KCNQ5: variants seen among roughly 807,000 people sequenced by gnomAD.
The protein encoded by KCNQ5 is potassium voltage-gated channel subfamily Q member 5.
KCNQ5 carries 30 observed loss-of-function variants against 98.2 expected under a neutral mutation model. That is an observed-to-expected ratio of 0.31 (90% confidence interval 0.23 to 0.41). The LOEUF is 0.41. Among genes scored for constraint, KCNQ5 ranks in the 10% least tolerant of loss-of-function variants. The probability of loss-of-function intolerance (pLI) is 1.00; values close to 1 mark genes in which losing one functional copy is unlikely to be tolerated. For missense variants in KCNQ5, 835 were observed against 1,182.5 expected (o/e 0.71, Z 4.31); for synonymous variants, 458 against 449.4 (o/e 1.02, Z -0.24).
chr6:72,927,463 G>A (rs1461814266), intron 1 of KCNQ5, among the ~76,000 whole-genome samples: 1 of 152,002 alleles, frequency 6.6e-6, no homozygotes, highest in Non-Finnish European at 1.5e-5. Context: ...AGAGATCCTA[G>A]AGATTTCTAC....
At chr6:72,633,095 T>C (rs2098921966) in intron 1 of KCNQ5, among the ~76,000 whole-genome samples, 1 of 152,196 alleles carries the variant, frequency 6.6e-6, no homozygotes, top group African/African-American at 2.4e-5. Flanking sequence ...CAGCATCTGT[T>C]GTTTTTTGGC....
chr6:73,119,250 T>C (rs1427141780), intron 7 of KCNQ5, among the ~76,000 whole-genome samples: 1 of 152,168 alleles, frequency 6.6e-6, no homozygotes, highest in Non-Finnish European at 1.5e-5. Flanking sequence ...ATAACAGTCT[T>C]CAAGCAGTCA....
chr6:72,959,920 A>T (rs1176256688), intron 1 of KCNQ5, among the ~76,000 whole-genome samples: 1 of 152,222 alleles, frequency 6.6e-6, no homozygotes, highest in African/African-American at 2.4e-5. Flanking sequence ...AGCTCTTTTC[A>T]TCTAAGACTT....
At chr6:72,885,473 A>G (rs1778812665) in intron 1 of KCNQ5, among the ~76,000 whole-genome samples, 1 of 152,220 alleles carries the variant, frequency 6.6e-6, no homozygotes, top group South Asian at 2.1e-4. Context: ...AAGAATTTTA[A>G]ATTTTTAAAA....
At chr6:72,843,489 A>G (rs890047420) in intron 1 of KCNQ5, among the ~76,000 whole-genome samples, 1 of 152,100 alleles carries the variant, frequency 6.6e-6, no homozygotes, top group Non-Finnish European at 1.5e-5. Context: ...TCCATATGAA[A>G]TTTAGTGTAG....
intron 7 of KCNQ5, among the ~76,000 whole-genome samples, chr6:73,116,405 C>T (rs1013856609): frequency 6.6e-6 from 1 of 152,138 alleles, no homozygotes; most frequent in Non-Finnish European, 1.5e-5. Flanking sequence ...GTGGCTCATG[C>T]CTGCAACCCC....
At chr6:72,657,759 C>T (rs1766270907) in intron 1 of KCNQ5, among the ~76,000 whole-genome samples, 1 of 152,190 alleles carries the variant, frequency 6.6e-6, no homozygotes, top group South Asian at 2.1e-4. Flanking sequence ...ATTTGTCGAA[C>T]TTGTATAATT....
At chr6:72,950,867 C>G (rs1252847258) in intron 1 of KCNQ5, among the ~76,000 whole-genome samples, 3 of 152,164 alleles carry the variant, frequency 2.0e-5, no homozygotes, top group African/African-American at 7.2e-5. Context: ...GATTAATCAT[C>G]CAAATGTAAC....
intron 10 of KCNQ5, among the ~76,000 whole-genome samples, chr6:73,148,949 T>G (rs934034200): frequency 3.3e-5 from 5 of 152,182 alleles, no homozygotes; most frequent in African/African-American, 9.7e-5. Flanking sequence ...TAGTTTTTTG[T>G]TTTTTGTGTC....
At chr6:73,045,402 C>A (rs1754013850) in intron 3 of KCNQ5, among the ~76,000 whole-genome samples, 1 of 152,072 alleles carries the variant, frequency 6.6e-6, no homozygotes, top group African/African-American at 2.4e-5. Context: ...ACATAAAATT[C>A]TTCCTCATAT....
At chr6:73,171,455 T>C (rs1468925218) in intron 11 of KCNQ5, among the ~76,000 whole-genome samples, 1 of 152,176 alleles carries the variant, frequency 6.6e-6, no homozygotes, top group East Asian at 1.9e-4. Flanking sequence ...CCAGAATATG[T>C]AGTGAAATGA....
chr6:72,690,798 G>GT lies in KCNQ5; in HGVS notation c.398+68219dup, dbSNP rs567841847. Among the ~76,000 whole-genome samples the GT allele has an allele frequency of 1.8e-4, 27 of 151,274 alleles. No individual in the cohort carries two copies. In the South Asian group the frequency reaches 5.2e-3, roughly 29 times the overall value. ...GTGAAACTGTATGTGTTCTTTTGCA[G>GT]TTTTTTTTCCATTCTTCATAGGAAA... On this transcript the variant is annotated intron_variant, in intron 1 of 13. Coordinates refer to ENST00000370398, the MANE Select transcript of KCNQ5 (RefSeq NM_019842.4).
At chr6:73,056,285 T>C (rs543250129) in intron 3 of KCNQ5, among the ~76,000 whole-genome samples, 143 of 152,190 alleles carry the variant, frequency 9.4e-4, no homozygotes, top group African/African-American at 2.6e-3. Context: ...CAGTGGAAGA[T>C]GAATGTAACC....
chr6:72,682,267 A>G (rs1767747687), intron 1 of KCNQ5, among the ~76,000 whole-genome samples: 1 of 152,134 alleles, frequency 6.6e-6, no homozygotes, highest in African/African-American at 2.4e-5. Flanking sequence ...CTAGTTCTCC[A>G]CGGTCTTCTC....
chr6:72,720,839 C>A (rs188105777), intron 1 of KCNQ5, among the ~76,000 whole-genome samples: 1 of 152,312 alleles, frequency 6.6e-6, no homozygotes, highest in Non-Finnish European at 1.5e-5. Context: ...ACTTCTAGCT[C>A]TAAGTCCATT....
intron 2 of KCNQ5, among the ~76,000 whole-genome samples, chr6:73,034,279 G>A (rs554708383): frequency 1.7e-4 from 26 of 152,146 alleles, no homozygotes; most frequent in African/African-American, 5.6e-4. Flanking sequence ...GTTACTTTAA[G>A]TATATGCACA....
chr6:73,141,032 G>A (rs2150468380), intron 10 of KCNQ5, among the ~76,000 whole-genome samples: 1 of 152,310 alleles, frequency 6.6e-6, no homozygotes, highest in South Asian at 2.1e-4. Context: ...GGATTTCTGA[G>A]AAGAGTTGTG....
intron 1 of KCNQ5, among the ~76,000 whole-genome samples, chr6:72,830,364 T>C (rs2150122918): frequency 6.6e-6 from 1 of 152,304 alleles, no homozygotes; most frequent in African/African-American, 2.4e-5. Context: ...CAAAACAGCA[T>C]GGTACTGGTA....
chr6:73,099,097 A>G lies in KCNQ5; in HGVS notation c.919-6160A>G, dbSNP rs1192595195. ...TGTGATCAGTTTAAAATAATGGGTTATAAGATATTATTTGCAAGCCTCATA... is the reference window on the plus strand; with the variant it reads ...TGTGATCAGTTTAAAATAATGGGTTGTAAGATATTATTTGCAAGCCTCATA... On this transcript the variant is annotated intron_variant, in intron 5 of 13. Transcript: ENST00000370398. 4.0e-5 allele frequency among the ~76,000 whole-genome samples: 6 copies of G among 148,832 alleles called. No individual in the cohort carries two copies. In the East Asian group the frequency reaches 1.2e-3, roughly 30 times the overall value.
Sources: gnomAD v4.1 joint callset for allele counts (sites outside exome capture counted in the v4.1 genomes callset) on GRCh38, gnomAD v4.1.1 for gene constraint, MANE v1.5 for transcripts, NCBI Gene and HGNC (gene_info 2026-07-23, HGNC 2026-07-21) for gene names.